The following ETV6 variants were observed in gnomAD, a reference collection of about 807,000 sequenced individuals.
ETV6 encodes the protein transcription factor ETV6.
ETV6 carries 16 observed loss-of-function variants against 51.1 expected under a neutral mutation model. That is an observed-to-expected ratio of 0.31 (90% CI 0.21 to 0.48). The LOEUF (loss-of-function observed/expected upper bound fraction) is 0.48, where lower values mean the gene tolerates loss of function less well. ETV6 is among the 20% of genes least tolerant of loss of function. The probability of loss-of-function intolerance (pLI) is 0.99; values close to 1 mark genes in which losing one functional copy is unlikely to be tolerated. For missense variants in ETV6, 458 were observed against 594.8 expected (o/e 0.77, Z 2.39); for synonymous variants, 240 against 224.1 (o/e 1.07, Z -0.64).
intron 1 of ETV6, among the ~76,000 whole-genome samples, chr12:11,735,087 T>TTTC (rs71435803): frequency 0.14 from 428 of 3,132 alleles, 5 homozygotes; most frequent in African/African-American, 0.21. Flanking sequence ...CAAGGTGGCC[T>TTTC]TTTTTTTTTT....
intron 2 of ETV6, among the ~76,000 whole-genome samples, chr12:11,757,474 A>G (rs994466236): frequency 3.3e-5 from 5 of 151,666 alleles, no homozygotes; most frequent in African/African-American, 1.2e-4. Flanking sequence ...CATCATTATT[A>G]TTTTATATTT....
intron 2 of ETV6, among the ~76,000 whole-genome samples, chr12:11,772,238 G>T (rs941179075): frequency 6.6e-6 from 1 of 152,174 alleles, no homozygotes. Context: ...TGGAACCTTG[G>T]TTGCAAAAGG....
chr12:11,881,131 T>A (rs553831630), intron 5 of ETV6, among the ~76,000 whole-genome samples: 1 of 152,162 alleles, frequency 6.6e-6, no homozygotes, highest in South Asian at 2.1e-4. Context: ...AGAGATGAGG[T>A]CTCGTTATGT....
At chr12:11,744,278 A>G (rs1035683853) in intron 1 of ETV6, among the ~76,000 whole-genome samples, 1 of 152,266 alleles carries the variant, frequency 6.6e-6, no homozygotes, top group Non-Finnish European at 1.5e-5. Context: ...TATAATAGCC[A>G]GACCATTAAA....
intron 1 of ETV6, among the ~76,000 whole-genome samples, chr12:11,672,047 G>A (rs1045485126): frequency 1.3e-5 from 2 of 151,444 alleles, no homozygotes; most frequent in Non-Finnish European, 2.9e-5. Flanking sequence ...GTAGGAACTA[G>A]GATGTACGCA....
At chr12:11,762,936 G>T (rs1011513495) in intron 2 of ETV6, among the ~76,000 whole-genome samples, 2 of 152,132 alleles carry the variant, frequency 1.3e-5, no homozygotes, top group African/African-American at 4.8e-5. Context: ...ATGAGTAAGT[G>T]ATTTGGTGCC....
At chr12:11,883,276 CTTTTTTTTTTTTTTTTTTTTTT>C (rs547786286) in intron 5 of ETV6, among the ~76,000 whole-genome samples, 4 of 79,116 alleles carry the variant, frequency 5.1e-5, no homozygotes, top group African/African-American at 3.0e-4. Context: ...ATGTCTTCTT[CTTTTTTTTTTTTTTTTTTTTTT>C]TTTTTTTTTT....
At chr12:11,699,302 A>G (rs549542881) in intron 1 of ETV6, among the ~76,000 whole-genome samples, 1 of 152,278 alleles carries the variant, frequency 6.6e-6, no homozygotes, top group East Asian at 1.9e-4. Context: ...AAAACATGCA[A>G]ACTCTTCAAA....
intron 2 of ETV6, among the ~76,000 whole-genome samples, chr12:11,753,271 G>A (rs553864641): frequency 2.6e-5 from 4 of 152,248 alleles, no homozygotes; most frequent in East Asian, 3.9e-4. Context: ...GAGGTTTGGG[G>A]CCCACACACC....
intron 1 of ETV6, among the ~76,000 whole-genome samples, chr12:11,705,171 C>T (rs1169664540): frequency 6.6e-6 from 1 of 152,066 alleles, no homozygotes; most frequent in Admixed American, 6.6e-5. Flanking sequence ...TGTTGCATTA[C>T]GTAATAGTGT....
At chr12:11,876,714 A>G (rs995603768) in intron 5 of ETV6, among the ~76,000 whole-genome samples, 1 of 152,204 alleles carries the variant, frequency 6.6e-6, no homozygotes, top group Non-Finnish European at 1.5e-5. Context: ...CTACCCAAAT[A>G]GAGAATATCT....
In ETV6 at chr12:11,869,190, C is replaced by T. The variant is rs1362349887; in HGVS notation, c.464-234C>T. ...GGCAGAGCTTGCAGTGAGCCGAGATCGTGCCACTGCACTCCAGCCTGGGCA... is the reference window on the plus strand; with the variant it reads ...GGCAGAGCTTGCAGTGAGCCGAGATTGTGCCACTGCACTCCAGCCTGGGCA... On this transcript the variant is annotated intron_variant, in intron 4 of 7. Transcript: ENST00000396373. This position sits in a 1 kb window ranked among gnomAD's most constrained non-coding sequence, Gnocchi z 5.0. Among the ~76,000 whole-genome samples the T allele has an allele frequency of 6.6e-6, 1 of 150,636 alleles. No homozygotes were observed. Among genetic ancestry groups the T allele is most frequent in the Non-Finnish European group, 1.5e-5 (1 of 67,736 alleles).
intron 5 of ETV6, among the ~76,000 whole-genome samples, chr12:11,883,073 G>A (rs566623336): frequency 1.3e-5 from 2 of 152,116 alleles, no homozygotes; most frequent in Admixed American, 6.5e-5. Context: ...TATAAAAAGT[G>A]GGCATTTCCA....
intron 2 of ETV6, among the ~76,000 whole-genome samples, chr12:11,763,242 C>G (rs1945117057): frequency 6.6e-6 from 1 of 152,250 alleles, no homozygotes; most frequent in East Asian, 1.9e-4. Context: ...AAAGTCCCCT[C>G]TCTGAACAGA....
At chr12:11,822,273 T>C (rs1946092896) in intron 2 of ETV6, among the ~76,000 whole-genome samples, 1 of 152,160 alleles carries the variant, frequency 6.6e-6, no homozygotes, top group Non-Finnish European at 1.5e-5. Context: ...TGTGTTTTGA[T>C]GGTAGTGATG....
At chr12:11,734,838 A>T (rs1230826824) in intron 1 of ETV6, among the ~76,000 whole-genome samples, 1 of 152,218 alleles carries the variant, frequency 6.6e-6, no homozygotes, top group Non-Finnish European at 1.5e-5. Context: ...GATGCTTCCA[A>T]GCCGTAGCTC....
chr12:11,774,923 A>G (rs1356960233), intron 2 of ETV6, among the ~76,000 whole-genome samples: 2 of 152,194 alleles, frequency 1.3e-5, no homozygotes, highest in Admixed American at 1.3e-4. Context: ...CAGGCAGGAC[A>G]AGGGGATCAG....
intron 1 of ETV6, among the ~76,000 whole-genome samples, chr12:11,730,749 T>C (rs1168597669): frequency 6.6e-6 from 1 of 152,174 alleles, no homozygotes; most frequent in East Asian, 1.9e-4. Flanking sequence ...TGTACAACAA[T>C]CAACCCTTTA....
chr12:11,667,020 A>T (rs1434307087), intron 1 of ETV6, among the ~76,000 whole-genome samples: 3 of 152,154 alleles, frequency 2.0e-5, no homozygotes, highest in African/African-American at 7.2e-5. Flanking sequence ...CCACTTAGGG[A>T]GCAGAAAGCA....
Sources: gnomAD v4.1 joint callset for allele counts (sites outside exome capture counted in the v4.1 genomes callset) on GRCh38, gnomAD v4.1.1 for gene constraint, Gnocchi (gnomAD v3.1) non-coding constraint, MANE v1.5 for transcripts, NCBI Gene and HGNC (gene_info 2026-07-23, HGNC 2026-07-21) for gene names.